The following PCYT1B variants were observed in gnomAD, a reference collection of about 807,000 sequenced individuals.
PCYT1B encodes phosphate cytidylyltransferase 1B, choline.
In PCYT1B, 10 loss-of-function variants were observed where a neutral mutation model predicts 26.4. The ratio of observed to expected loss-of-function variants is 0.38; its 90% CI spans 0.23 to 0.64. PCYT1B has a LOEUF of 0.64. Among genes scored for constraint, PCYT1B ranks in the 30% least tolerant of loss-of-function variants. The pLI, the probability that PCYT1B is intolerant of heterozygous loss-of-function variation, is 0.56. For synonymous variants in PCYT1B, 131 were observed against 108.4 expected (o/e 1.21, Z -1.29); for missense variants, 161 against 292.7 (o/e 0.55, Z 3.28).
At chrX:24,563,894 A>G (rs1162729517) in intron 7 of PCYT1B, among the ~76,000 whole-genome samples, 1 of 111,758 alleles carries the variant, frequency 8.9e-6, no homozygotes, top group Non-Finnish European at 1.9e-5. Context: ...TGCAATAAGA[A>G]TCCAAGGCCA....
intron 1 of PCYT1B, among the ~76,000 whole-genome samples, chrX:24,626,923 C>T (rs1279511832): frequency 9.1e-6 from 1 of 110,090 alleles, no homozygotes; most frequent in Non-Finnish European, 1.9e-5. Flanking sequence ...AAACAAGCAA[C>T]AAAAAAGAAC....
chrX:24,579,653 A>G lies in PCYT1B; in HGVS notation c.566-195T>C, dbSNP rs773621183. On this transcript the variant is annotated intron_variant, in intron 5 of 7. Transcript: ENST00000379144. ...TCTCTACCTTAAATGCTACATGTTC[A>G]TCATCCCAGACCTGTTTCCAGGACA... Among the ~76,000 whole-genome samples the G allele has an allele frequency of 3.6e-5, 4 of 110,890 alleles. No homozygotes were observed. In the East Asian group the frequency reaches 1.1e-3, roughly 31 times the overall value.
chrX:24,559,414 G>GA lies in PCYT1B; in HGVS notation c.*2878dup, dbSNP rs1334295378. 6.9e-5 allele frequency: 3 copies of GA among 43,384 alleles called. No homozygotes were observed. Among genetic ancestry groups the GA allele is most frequent in the African/African-American group, 2.1e-4 (3 of 14,384 alleles). 3.6% of individuals were successfully genotyped at this position (43,384 alleles called of 1,213,427 possible). A position where few individuals can be genotyped will look rare whatever the true frequency, so the allele number is the denominator to read the frequency against. ...AAAAGAAAGAAAGAAAAAGAGGAAA[G>GA]AAAAAGAGAAAGAAGAAAGAAAAAG... is the stretch of plus-strand genomic sequence containing the variant. On this transcript the variant is annotated 3_prime_UTR_variant, in exon 8 of 8. Transcript: ENST00000379144.
chrX:24,666,768 G>A (rs1410533121), intron 1 of PCYT1B, among the ~76,000 whole-genome samples: 1 of 111,159 alleles, frequency 9.0e-6, no homozygotes, highest in African/African-American at 3.3e-5. Context: ...TGAGAATGGG[G>A]CAAAATTAAT....
At chrX:24,628,017 T>C (rs1448946756) in intron 1 of PCYT1B, among the ~76,000 whole-genome samples, 1 of 111,875 alleles carries the variant, frequency 8.9e-6, no homozygotes, top group Admixed American at 9.5e-5. Context: ...AGATTTGGTT[T>C]GACACACCTA....
At chrX:24,582,741 C>T (rs1241750164) in intron 5 of PCYT1B, among the ~76,000 whole-genome samples, 1 of 112,130 alleles carries the variant, frequency 8.9e-6, no homozygotes, top group East Asian at 2.8e-4. Flanking sequence ...AAGCTTAAGT[C>T]ATGCCCTTGA....
chrX:24,647,270 C>CG lies in PCYT1B; in HGVS notation c.-166dup, dbSNP rs3214208. 8.7e-6 allele frequency: 9 copies of CG among 1,035,022 alleles called. No individual in the cohort carries two copies. Among genetic ancestry groups the CG allele is most frequent in the Non-Finnish European group, 1.1e-5 (9 of 813,464 alleles). The allele number at this position is 1,035,022 out of a possible 1,213,427, so 85.3% of individuals were successfully genotyped here. On this transcript the variant is annotated 5_prime_UTR_variant, in exon 1 of 8. Coordinates refer to ENST00000379144, the MANE Select transcript of PCYT1B (RefSeq NM_004845.5). ...TAGGGGAAGTAAAGAGGTTACCCCC[C>CG]GCCCCTCTCTCTCTCTCTCTCTCCC...
At chrX:24,665,269 C>T (rs947862154) in intron 1 of PCYT1B, among the ~76,000 whole-genome samples, 2 of 99,462 alleles carry the variant, frequency 2.0e-5, no homozygotes, top group African/African-American at 6.8e-5. Flanking sequence ...TAAGTGAGTC[C>T]CCATTATACT....
intron 1 of PCYT1B, among the ~76,000 whole-genome samples, chrX:24,632,853 C>A (rs1022352413): frequency 9.0e-6 from 1 of 111,099 alleles, no homozygotes; most frequent in South Asian, 3.8e-4. Context: ...GGAATAAATT[C>A]TAATGTTTGA....
chrX:24,607,946 A>T (rs1925189440), intron 2 of PCYT1B, 85 bp from the exon 3 acceptor site: 1 of 496,386 alleles, frequency 2.0e-6, no homozygotes, highest in African/African-American at 2.4e-5. Context: ...AACTTTCTGG[A>T]TAAGACACAA....
upstream of PCYT1B, among the ~76,000 whole-genome samples, chrX:24,650,317 CTTTTTTTT>C (rs575150338): frequency 9.2e-5 from 7 of 75,690 alleles, no homozygotes; most frequent in African/African-American, 3.1e-4. Flanking sequence ...TATTATGTAG[CTTTTTTTT>C]TTTTTTTTTT....
At chrX:24,569,074 G>A (rs1195850133) in intron 7 of PCYT1B, among the ~76,000 whole-genome samples, 1 of 111,238 alleles carries the variant, frequency 9.0e-6, no homozygotes, top group East Asian at 2.8e-4. Flanking sequence ...ACTCCAGCCT[G>A]GGTGACAGAG....
chrX:24,564,463 C>G (rs368801154), intron 7 of PCYT1B, among the ~76,000 whole-genome samples: 13 of 109,063 alleles, frequency 1.2e-4, no homozygotes, highest in African/African-American at 4.3e-4. Context: ...CGCCATTCTC[C>G]TGCCTCAGCC....
At chrX:24,583,612 A>T (rs1348696168) in intron 5 of PCYT1B, among the ~76,000 whole-genome samples, 1 of 112,273 alleles carries the variant, frequency 8.9e-6, no homozygotes, top group African/African-American at 3.2e-5. Flanking sequence ...CTGGAACTTG[A>T]CATTTTATTC....
chrX:24,666,604 TGA>T (rs1431068022), intron 1 of PCYT1B, among the ~76,000 whole-genome samples: 14 of 72,208 alleles, frequency 1.9e-4, no homozygotes, highest in African/African-American at 6.0e-4. Context: ...TGTATGTGTG[TGA>T]GTGTGTGTGT....
intron 7 of PCYT1B, among the ~76,000 whole-genome samples, chrX:24,563,907 C>A (rs944946149): frequency 9.0e-6 from 1 of 111,518 alleles, no homozygotes; most frequent in Non-Finnish European, 1.9e-5. Context: ...CAAGGCCAGG[C>A]GCGGTGGCTT....
rs762627705 is a variant in PCYT1B, at chrX:24,663,702, A to G, written c.63+8868T>C. On this transcript the variant is annotated intron_variant, in intron 1 of 7. Coordinates refer to the PCYT1B transcript ENST00000379145. ...GGCCGAGGCTGGGGGGGATGACTTG[A>G]GGTCAGGAGTTTGAGACCAGCCTGG... Among the ~76,000 whole-genome samples, 70 of 111,373 alleles carry G rather than the reference A, an allele frequency of 6.3e-4. 1 individual carries two copies. Among genetic ancestry groups the G allele is most frequent in the Admixed American group, 5.8e-3 (60 of 10,429 alleles).
intron 1 of PCYT1B, 31 bp downstream of exon 1, chrX:24,646,958 G>A (rs749217854): frequency 8.9e-7 from 1 of 1,124,074 alleles, no homozygotes. Flanking sequence ...CCATAGCCAC[G>A]CATACATTTC....
rs1924603669 is a variant in PCYT1B, at chrX:24,592,540, G to A, written c.335-2366C>T. ...CCCACCCCTTCATCATCTCTCCCAG[G>A]GATGACTGCAGTAGCCTCTTAACTG... is the stretch of plus-strand genomic sequence containing the variant. On this transcript the variant is annotated intron_variant, in intron 3 of 7. Coordinates refer to ENST00000379144, the MANE Select transcript of PCYT1B (RefSeq NM_004845.5). Among the ~76,000 whole-genome samples, 3 of 111,205 alleles carry A rather than the reference G, an allele frequency of 2.7e-5. No homozygotes were observed. In the South Asian group the frequency reaches 1.2e-3, roughly 43 times the overall value.
Sources: allele counts gnomAD v4.1 joint callset (sites outside exome capture counted in the v4.1 genomes callset), GRCh38; gene constraint gnomAD v4.1.1; transcripts MANE v1.5; gene names NCBI Gene and HGNC (gene_info 2026-07-23, HGNC 2026-07-21).